Variants in EPHA6 observed in about 807,000 individuals in gnomAD.
The protein encoded by EPHA6 is ephrin type-A receptor 6.
EPHA6 carries 50 observed loss-of-function variants against 112.0 expected under a neutral mutation model. That is an observed-to-expected ratio of 0.45 (90% CI 0.36 to 0.56). The LOEUF is 0.56. Ranked by LOEUF, EPHA6 falls within the 20% of genes least tolerant of loss-of-function variation. The probability of loss-of-function intolerance (pLI) is 0.00; values close to 1 mark genes in which losing one functional copy is unlikely to be tolerated. For synonymous variants in EPHA6, 529 were observed against 490.7 expected (o/e 1.08, Z -1.03); for missense variants, 1,280 against 1,417.4 (o/e 0.90, Z 1.56).
chr3:96,827,545 G>A (rs1024079391), intron 1 of EPHA6, among the ~76,000 whole-genome samples: 3 of 152,044 alleles, frequency 2.0e-5, no homozygotes, highest in Non-Finnish European at 4.4e-5. Context: ...CTGAAGATAT[G>A]AAGTGTGCTA....
intron 2 of EPHA6, among the ~76,000 whole-genome samples, chr3:96,963,282 A>T (rs887532924): frequency 2.0e-5 from 3 of 152,304 alleles, no homozygotes; most frequent in South Asian, 4.2e-4. Flanking sequence ...CTAATCTAGT[A>T]ATAATGCGTT....
chr3:97,532,248 ATACT>A (rs1385256302), intron 10 of EPHA6, 106 bp from the exon 11 acceptor site: 12 of 881,990 alleles, frequency 1.4e-5, no homozygotes, highest in Admixed American at 1.1e-4. Flanking sequence ...TGAAAATAAC[ATACT>A]TAAGAGTCAT....
chr3:97,281,192 A>C (rs1449077662), intron 5 of EPHA6, among the ~76,000 whole-genome samples: 1 of 116,314 alleles, frequency 8.6e-6, no homozygotes, highest in Non-Finnish European at 1.8e-5. Context: ...TCATTAATTC[A>C]AAGAGTCTAT....
intron 7 of EPHA6, chr3:97,466,403 T>G: frequency 6.2e-7 from 1 of 1,608,226 alleles, no homozygotes; most frequent in South Asian, 1.1e-5. Flanking sequence ...TTCTCTTGGT[T>G]CATTATATTC....
At chr3:96,866,597 A>T (rs1235469897) in intron 1 of EPHA6, among the ~76,000 whole-genome samples, 1 of 151,846 alleles carries the variant, frequency 6.6e-6, no homozygotes, top group Non-Finnish European at 1.5e-5. Context: ...TTTAACAAAA[A>T]TATACATACT....
chr3:97,221,438 A>G (rs1174900343), intron 3 of EPHA6, among the ~76,000 whole-genome samples: 1 of 151,986 alleles, frequency 6.6e-6, no homozygotes, highest in African/African-American at 2.4e-5. Context: ...ATGATTCTGT[A>G]GAATATAGAC....
In EPHA6 at chr3:96,814,773, T is replaced by G. The variant is rs1453976645; in HGVS notation, c.150T>G (p.Pro50=). Reference sequence around the variant, plus strand: ...GCAGGGGGCGCCCCGGGACACCCCCTGCGGGCCGGGTGGAGGAGGAAGAGG... The same window carrying G: ...GCAGGGGGCGCCCCGGGACACCCCCGGCGGGCCGGGTGGAGGAGGAAGAGG... ...TSRRGRPGTP[P]AGRVEEEEEE... Residue 50 remains proline (P), a synonymous_variant, in exon 1 of 18, where the codon CCT becomes CCG. Coordinates refer to ENST00000389672, the MANE Select transcript of EPHA6 (RefSeq NM_001080448.3). The G allele has an allele frequency of 2.5e-6, 4 of 1,602,014 alleles. No individual in the cohort carries two copies. In the East Asian group the frequency reaches 9.0e-5, roughly 36 times the overall value.
rs137955918 is a variant in EPHA6, at chr3:97,390,449, C to CAT, written c.1607-14690_1607-14689dup. Reference sequence around the variant, plus strand: ...GATATGTATATTCCAGAAGGAATTTCATATATATATATTATATATATACGC... The same window carrying CAT: ...GATATGTATATTCCAGAAGGAATTTCATATATATATATATTATATATATACGC... On this transcript the variant is annotated intron_variant, in intron 5 of 17. Transcript: ENST00000389672. Among the ~76,000 whole-genome samples, 480 of 150,832 alleles carry CAT rather than the reference C, an allele frequency of 3.2e-3. 9 individuals are homozygous for CAT. In the East Asian group the frequency reaches 0.065, roughly 20 times the overall value.
chr3:97,505,590 G>A (rs948366712), intron 10 of EPHA6, among the ~76,000 whole-genome samples: 7 of 152,172 alleles, frequency 4.6e-5, no homozygotes, highest in Admixed American at 4.6e-4. Flanking sequence ...GTCTGTCATT[G>A]ATGGGCATTT....
At chr3:97,314,901 T>A (rs181421511) in intron 5 of EPHA6, among the ~76,000 whole-genome samples, 1 of 151,650 alleles carries the variant, frequency 6.6e-6, no homozygotes, top group African/African-American at 2.4e-5. Context: ...ACCAGCTGCA[T>A]CTTTATCTAG....
chr3:97,321,401 C>T (rs2082112725), intron 5 of EPHA6, among the ~76,000 whole-genome samples: 2 of 151,776 alleles, frequency 1.3e-5, no homozygotes, highest in Admixed American at 6.6e-5. Flanking sequence ...TTCTGCTAGT[C>T]GGGAAGGTGA....
At chr3:96,973,420 G>A (rs560131458) in intron 2 of EPHA6, among the ~76,000 whole-genome samples, 1 of 152,048 alleles carries the variant, frequency 6.6e-6, no homozygotes, top group Non-Finnish European at 1.5e-5. Flanking sequence ...TTAGATGTAC[G>A]TAAGTTTGGT....
intron 2 of EPHA6, among the ~76,000 whole-genome samples, chr3:96,892,748 T>A (rs1373480301): frequency 6.6e-6 from 1 of 152,180 alleles, no homozygotes. Flanking sequence ...TTCCATTCTC[T>A]CATGGGATGA....
chr3:97,726,373 G>A (rs963275244), intron 15 of EPHA6, among the ~76,000 whole-genome samples: 1 of 152,052 alleles, frequency 6.6e-6, no homozygotes, highest in Non-Finnish European at 1.5e-5. Context: ...TCTATCACAA[G>A]AGTAGTATTT....
At chr3:97,160,416 A>G (rs1158769925) in intron 3 of EPHA6, among the ~76,000 whole-genome samples, 1 of 151,972 alleles carries the variant, frequency 6.6e-6, no homozygotes, top group Admixed American at 6.6e-5. Context: ...AGCTGGGATT[A>G]CAGGTGCCCC....
intron 3 of EPHA6, among the ~76,000 whole-genome samples, chr3:97,191,166 G>A (rs532497563): frequency 1.5e-4 from 23 of 151,942 alleles, no homozygotes; most frequent in East Asian, 5.8e-4. Flanking sequence ...TCAGTGAAAC[G>A]GCACCATATT....
At chr3:96,850,289 G>C (rs765674539) in intron 1 of EPHA6, among the ~76,000 whole-genome samples, 7 of 152,048 alleles carry the variant, frequency 4.6e-5, no homozygotes, top group Non-Finnish European at 1.0e-4. Context: ...CCTGAGACAG[G>C]AGAGCAGAGT....
intron 3 of EPHA6, among the ~76,000 whole-genome samples, chr3:97,165,406 C>T (rs373654000): frequency 6.6e-6 from 1 of 152,064 alleles, no homozygotes; most frequent in Non-Finnish European, 1.5e-5. Flanking sequence ...TAATGACTTA[C>T]ACTTGCAAAG....
Position 97,481,303 on chromosome 3 carries a change from T to C in EPHA6, c.2074+1939T>C, listed in dbSNP as rs2091535930. On this transcript the variant is annotated intron_variant, in intron 9 of 17. Transcript: ENST00000389672. Reference sequence around the variant, plus strand: ...ATGTTTTCATAAAGAGTATCCGTCTTGGAGGGAGATTCCAGTTGTAGAGAT... The same window carrying C: ...ATGTTTTCATAAAGAGTATCCGTCTCGGAGGGAGATTCCAGTTGTAGAGAT... The C allele has an allele frequency of 1.9e-6, 3 of 1,544,466 alleles. No individual in the cohort carries two copies. The African/African-American group carries it at 4.1e-5, about 21-fold the overall frequency.
Sources: allele counts gnomAD v4.1 joint callset (sites outside exome capture counted in the v4.1 genomes callset), GRCh38; gene constraint gnomAD v4.1.1; transcripts MANE v1.5; gene names NCBI Gene and HGNC (gene_info 2026-07-23, HGNC 2026-07-21).